Variants in RBM25 observed in about 807,000 individuals in gnomAD.
RBM25 encodes RNA binding motif protein 25.
In RBM25, 19 loss-of-function variants were observed where a neutral mutation model predicts 120.7. The observed-to-expected ratio is 0.16, with a 90% CI of 0.11 to 0.23. The LOEUF is 0.23. RBM25 is among the 10% of genes least tolerant of loss of function. The pLI is 1.00. For missense variants in RBM25, 605 were observed against 1,041.5 expected, an observed-to-expected ratio of 0.58 and a Z score of 5.77; for synonymous variants, 390 against 326.7, an observed-to-expected ratio of 1.19 and a Z score of -2.09.
chr14:73,089,454 A>G (rs895722541), intron 6 of RBM25, among the ~76,000 whole-genome samples: 4 of 151,878 alleles, frequency 2.6e-5, no homozygotes, highest in East Asian at 3.9e-4. Context: ...TCCCGTGTTC[A>G]GGTGATTCTC....
intron 12 of RBM25, chr14:73,107,548 C>T (rs150416521): frequency 5.4e-4 from 166 of 305,036 alleles, no homozygotes; most frequent in African/African-American, 2.2e-3. Flanking sequence ...ATAAAAACAC[C>T]GTTTCCCAGG....
At chr14:73,087,396 C>CTTTT (rs763206419) in intron 5 of RBM25, among the ~76,000 whole-genome samples, 2 of 136,774 alleles carry the variant, frequency 1.5e-5, no homozygotes, top group African/African-American at 2.7e-5. Flanking sequence ...TGACTCCTTT[C>CTTTT]TTTTTTTTTT....
chr14:73,073,580 C>T (rs558065027), intron 2 of RBM25, among the ~76,000 whole-genome samples: 1 of 152,182 alleles, frequency 6.6e-6, no homozygotes, highest in East Asian at 1.9e-4. Flanking sequence ...CCCAGCTACT[C>T]AGGAGGCTGA....
rs11390922 is a variant in RBM25 at position 73,097,196 on chromosome 14, C to CTTTTTTTTTTTTTTTTTTT, written c.729+100_729+118dup. On this transcript the variant is annotated intron_variant, in intron 7 of 18. Coordinates refer to ENST00000261973, the MANE Select transcript of RBM25 (RefSeq NM_021239.3). ...ACATGTCAGTTTTCTTTTTTCTTTT[C>CTTTTTTTTTTTTTTTTTTT]TTTTTTTTTTTTTTTTTTTTTTGAG... 6.7e-4 allele frequency: 94 copies of CTTTTTTTTTTTTTTTTTTT among 140,074 alleles called. 9 individuals carry two copies. Among genetic ancestry groups the CTTTTTTTTTTTTTTTTTTT allele is most frequent in the African/African-American group, 2.6e-3 (41 of 15,630 alleles). The allele number at this position is 140,074 out of a possible 1,614,324, so 8.7% of individuals were successfully genotyped here. A position where few individuals can be genotyped will look rare whatever the true frequency, so the allele number is the denominator to read the frequency against.
At chr14:73,062,770 T>C (rs557609710) in intron 1 of RBM25, among the ~76,000 whole-genome samples, 1 of 151,308 alleles carries the variant, frequency 6.6e-6, no homozygotes, top group East Asian at 1.9e-4. Context: ...ATGCATATAC[T>C]TGTGTGACCA....
chr14:73,092,922 C>G (rs573842270), intron 6 of RBM25, among the ~76,000 whole-genome samples: 1 of 152,150 alleles, frequency 6.6e-6, no homozygotes, highest in Non-Finnish European at 1.5e-5. Context: ...TGTCAAACAA[C>G]TTGACTGAAC....
intron 4 of RBM25, among the ~76,000 whole-genome samples, chr14:73,079,327 G>A (rs60262296): frequency 0.089 from 13,456 of 150,502 alleles, 1,332 homozygotes; most frequent in Middle Eastern, 0.21. Context: ...GGAGGCTGAG[G>A]CAGGAGAATC....
chr14:73,103,380 C>A lies in RBM25; in HGVS notation c.1056C>A (p.Asp352Glu). ...AACGAGAACGGGATAGGGACCGTGA[C>A]CGGACAAAAGAGAGAGACCGAGATC... ...ERERERDRDR[D>E]RTKERDRDRD... The change falls in exon 10 of 19, where the codon GAC becomes GAA. Residue 352 changes from aspartate (D) to glutamate (E), a missense_variant. By Grantham distance (45) the Asp-to-Glu change is conservative. Coordinates refer to ENST00000261973, the MANE Select transcript of RBM25 (RefSeq NM_021239.3). The A allele has an allele frequency of 1.2e-6, 2 of 1,611,388 alleles. No homozygotes were observed. Among genetic ancestry groups the A allele is most frequent in the Non-Finnish European group, 1.7e-6 (2 of 1,178,796 alleles).
At chr14:73,062,365 TTGAA>T (rs536244874) in intron 1 of RBM25, among the ~76,000 whole-genome samples, 5 of 151,368 alleles carry the variant, frequency 3.3e-5, no homozygotes, top group Non-Finnish European at 7.4e-5. Flanking sequence ...GAAGTAGATA[TTGAA>T]TGAATGAGTG....
chr14:73,094,252 C>G (rs1177765015), intron 6 of RBM25, among the ~76,000 whole-genome samples: 2 of 150,908 alleles, frequency 1.3e-5, no homozygotes, highest in Admixed American at 6.6e-5. Flanking sequence ...TGCATCCGGC[C>G]TAGGTTTTTT....
chr14:73,097,244 A>G (rs1365184587), intron 7 of RBM25, 144 bp downstream of exon 7: 1 of 531,824 alleles, frequency 1.9e-6, no homozygotes, highest in Admixed American at 7.5e-5. Context: ...TTTGTCTCCC[A>G]GGCTGGAATG....
chr14:73,067,124 C>T (rs996890071), intron 1 of RBM25, among the ~76,000 whole-genome samples: 6 of 144,330 alleles, frequency 4.2e-5, no homozygotes, highest in Admixed American at 1.4e-4. Context: ...GGCTGACGTG[C>T]AATGGCACCG....
intron 1 of RBM25, among the ~76,000 whole-genome samples, chr14:73,059,100 A>C (rs772470699): frequency 6.6e-6 from 1 of 151,930 alleles, no homozygotes; most frequent in Non-Finnish European, 1.5e-5. Flanking sequence ...GCCCCACAGT[A>C]GGTTTTCGGG....
In RBM25 at chr14:73,087,987, T is replaced by C. The variant is rs1204104159; in HGVS notation, c.383-14T>C. 7 of 1,600,876 alleles carry C rather than the reference T, an allele frequency of 4.4e-6. No individual in the cohort carries two copies. Among genetic ancestry groups the C allele is most frequent in the Non-Finnish European group, 6.0e-6 (7 of 1,176,456 alleles). On this transcript the variant is annotated splice_polypyrimidine_tract_variant and intron_variant, in intron 5 of 18. Transcript: ENST00000261973. ...TGAATTGGTATTTCACTAATTGTTT[T>C]CATCCATTGCTAGCCTTCGGATTCT...
chr14:73,086,586 T>G (rs1895691208), intron 5 of RBM25, among the ~76,000 whole-genome samples: 3 of 152,202 alleles, frequency 2.0e-5, no homozygotes. Context: ...GTCCCCGAGT[T>G]TCAAGGCCAT....
chr14:73,087,220 G>A (rs1895707327), intron 5 of RBM25, among the ~76,000 whole-genome samples: 1 of 152,088 alleles, frequency 6.6e-6, no homozygotes, highest in African/African-American at 2.4e-5. Context: ...TAGTGAGATT[G>A]ACTAGTTATA....
intron 2 of RBM25, among the ~76,000 whole-genome samples, chr14:73,075,266 A>G (rs192548082): frequency 4.5e-4 from 68 of 151,994 alleles, no homozygotes; most frequent in African/African-American, 1.4e-3. Flanking sequence ...GGTTCAAGCA[A>G]TTCTGCCTCA....
Position 73,097,100 on chromosome 14 carries a change from C to T in RBM25, c.729C>T (p.Asp243=), listed in dbSNP as rs538637783. The part of the protein sequence containing the change: ...PRKKKKEKKE[D]IFRRFPVAPL... ...AGAAGAAGAAGGAAAAGAAGGAGGA[C>T]GTATGTGTTCTGACAACAACATATC... The change falls in exon 7 of 19, where the codon GAC becomes GAT. Residue 243 remains aspartate (D), a splice_region_variant and synonymous_variant. Transcript: ENST00000261973. The T allele has an allele frequency of 7.0e-5, 113 of 1,603,832 alleles. No homozygotes were observed. The South Asian group carries it at 1.0e-3, about 15-fold the overall frequency.
rs1896302434 is a variant in RBM25, at chr14:73,111,129, C to T, written c.1991C>T (p.Pro664Leu). Residue 664 changes from proline to leucine, a missense_variant, in exon 15 of 19, where the codon CCA becomes CTA. By Grantham distance (98) the Pro-to-Leu change is moderately conservative. Coordinates refer to ENST00000261973, the MANE Select transcript of RBM25 (RefSeq NM_021239.3). ...PDQQQPEEHR[P>L]KIGLSLKLGA... ...CAACAGCAACCTGAGGAGCATAGGCCAAAAATAGGACTAAGTCTTAAACTG... is the reference window on the plus strand; with the variant it reads ...CAACAGCAACCTGAGGAGCATAGGCTAAAAATAGGACTAAGTCTTAAACTG... 1 of 1,610,650 alleles carries T rather than the reference C, an allele frequency of 6.2e-7. No homozygotes were observed. Among genetic ancestry groups the T allele is most frequent in the Non-Finnish European group, 8.5e-7 (1 of 1,177,860 alleles).
Sources: allele counts gnomAD v4.1 joint callset (sites outside exome capture counted in the v4.1 genomes callset), GRCh38; gene constraint gnomAD v4.1.1; transcripts MANE v1.5; gene names NCBI Gene and HGNC (gene_info 2026-07-23, HGNC 2026-07-21).